The following CLASP1 variants were observed in gnomAD, a reference collection of about 807,000 sequenced individuals.
CLASP1 encodes cytoplasmic linker associated protein 1, also known as CLIP-associating protein 1.
Under a neutral mutation model 192.3 loss-of-function variants are expected in CLASP1, and 38 were observed. That is an observed-to-expected ratio of 0.20 (90% CI 0.15 to 0.26). CLASP1 has a LOEUF of 0.26. CLASP1 is among the 10% of genes least tolerant of loss of function. The probability of loss-of-function intolerance (pLI) is 1.00; values close to 1 mark genes in which losing one functional copy is unlikely to be tolerated. For missense variants in CLASP1, 1,433 were observed against 1,932.5 expected, an observed-to-expected ratio of 0.74 and a Z score of 4.85; for synonymous variants, 691 against 712.8, an observed-to-expected ratio of 0.97 and a Z score of 0.49.
intron 2 of CLASP1, among the ~76,000 whole-genome samples, chr2:121,543,476 CA>C (rs1330634207): frequency 1.3e-5 from 2 of 152,132 alleles, no homozygotes; most frequent in African/African-American, 4.8e-5. Context: ...AGGAAATAAA[CA>C]AAGATCTAAG....
At chr2:121,609,832 G>A (rs769091098) in intron 1 of CLASP1, among the ~76,000 whole-genome samples, 28 of 152,046 alleles carry the variant, frequency 1.8e-4, no homozygotes, top group African/African-American at 5.8e-4. Context: ...TCCCAGCTAC[G>A]TGGGAGGCTG....
At chr2:121,632,217 C>T (rs1166615663) in intron 1 of CLASP1, among the ~76,000 whole-genome samples, 2 of 152,074 alleles carry the variant, frequency 1.3e-5, no homozygotes, top group African/African-American at 4.8e-5. Context: ...GTACTCTAGC[C>T]TGGGCGACAG....
At chr2:121,402,764 T>C in intron 26 of CLASP1, 1 of 440,606 alleles carries the variant, frequency 2.3e-6, no homozygotes, top group Non-Finnish European at 4.5e-6. Context: ...GAGTTAAATC[T>C]TACTGCTTTT....
At chr2:121,368,413 C>T (rs963984801) in intron 34 of CLASP1, among the ~76,000 whole-genome samples, 1 of 152,180 alleles carries the variant, frequency 6.6e-6, no homozygotes, top group Non-Finnish European at 1.5e-5. Context: ...AGTTGTTATG[C>T]TGGGTCAAAG....
At chr2:121,383,548 A>G (rs960463346) in intron 32 of CLASP1, among the ~76,000 whole-genome samples, 3 of 152,014 alleles carry the variant, frequency 2.0e-5, no homozygotes, top group Non-Finnish European at 4.4e-5. Flanking sequence ...CTTTGATTCT[A>G]TCCATACTCT....
At chr2:121,646,918 T>C (rs544969667) in intron 1 of CLASP1, among the ~76,000 whole-genome samples, 231 of 151,260 alleles carry the variant, frequency 1.5e-3, no homozygotes, top group Non-Finnish European at 2.5e-3. Flanking sequence ...CGGGCACCTG[T>C]AGTCCCAGCT....
At chr2:121,489,988 A>G (rs2093212857) in intron 8 of CLASP1, among the ~76,000 whole-genome samples, 1 of 152,242 alleles carries the variant, frequency 6.6e-6, no homozygotes. Flanking sequence ...ACATAAGCAG[A>G]GAAAAATTAA....
chr2:121,542,362 A>G (rs1348714590), intron 2 of CLASP1, among the ~76,000 whole-genome samples: 1 of 152,198 alleles, frequency 6.6e-6, no homozygotes, highest in Admixed American at 6.5e-5. Context: ...TAAAAACAGG[A>G]CTGTGCCCTG....
chr2:121,624,614 G>A (rs532990261), intron 1 of CLASP1, among the ~76,000 whole-genome samples: 16 of 152,086 alleles, frequency 1.1e-4, no homozygotes, highest in African/African-American at 2.9e-4. Context: ...ATGGGGTTTC[G>A]CCATGTTGGC....
chr2:121,577,557 T>A (rs1036156957), intron 2 of CLASP1, among the ~76,000 whole-genome samples: 1 of 152,172 alleles, frequency 6.6e-6, no homozygotes, highest in Non-Finnish European at 1.5e-5. Context: ...AGTGTGGGCA[T>A]CTCTGGGAGG....
intron 7 of CLASP1, among the ~76,000 whole-genome samples, chr2:121,515,090 G>C (rs2094249308): frequency 6.6e-6 from 1 of 152,170 alleles, no homozygotes; most frequent in Non-Finnish European, 1.5e-5. Flanking sequence ...ATACATATCT[G>C]ATCACTACAT....
At chr2:121,388,680 G>A (rs2073790967) in intron 30 of CLASP1, among the ~76,000 whole-genome samples, 1 of 152,138 alleles carries the variant, frequency 6.6e-6, no homozygotes, top group Admixed American at 6.5e-5. Context: ...AAAGCACAAT[G>A]CCTGAGGAAT....
At chr2:121,460,063 A>G in exon 12 of CLASP1, 1 of 1,613,700 alleles carries the variant, frequency 6.2e-7, no homozygotes, top group African/African-American at 1.3e-5. Context: ...AAAGACGCAA[A>G]TGTTGAAAGA....
intron 2 of CLASP1, chr2:121,530,718 T>G: frequency 3.9e-6 from 2 of 510,486 alleles, no homozygotes; most frequent in Middle Eastern, 1.1e-3. Flanking sequence ...TTTGCGACCC[T>G]TCGGGAGCCT....
At chr2:121,596,970 C>T (rs1002250350) in intron 2 of CLASP1, among the ~76,000 whole-genome samples, 5 of 152,138 alleles carry the variant, frequency 3.3e-5, no homozygotes, top group Admixed American at 6.5e-5. Context: ...TAAGGCAGCA[C>T]GGAATGGGCC....
At chr2:121,543,848 TA>T (rs970355696) in intron 2 of CLASP1, among the ~76,000 whole-genome samples, 9 of 150,692 alleles carry the variant, frequency 6.0e-5, no homozygotes, top group Non-Finnish European at 8.9e-5. Flanking sequence ...CCAGAGACAG[TA>T]AAAAAAAAGT....
chr2:121,582,353 G>C (rs1272657708), intron 2 of CLASP1, among the ~76,000 whole-genome samples: 2 of 148,904 alleles, frequency 1.3e-5, no homozygotes, highest in Admixed American at 1.3e-4. Context: ...GGAGGAGAGA[G>C]AGAGAGAAAG....
At chr2:121,444,082 A>G (rs2083867238) in intron 19 of CLASP1, among the ~76,000 whole-genome samples, 1 of 152,244 alleles carries the variant, frequency 6.6e-6, no homozygotes, top group Non-Finnish European at 1.5e-5. Flanking sequence ...AATTACTTAA[A>G]GCATTTTCAT....
rs565150677 is a variant in CLASP1 at position 121,430,128 on chromosome 2, G to C, written c.1962C>G (p.Ala654=). The C allele has an allele frequency of 7.6e-6, 12 of 1,578,384 alleles. No individual in the cohort carries two copies. In the African/African-American group the frequency reaches 9.4e-5, roughly 12 times the overall value. The change falls in exon 20 of 40, where the codon GCC becomes GCG. Residue 654 remains alanine (A), a synonymous_variant. Coordinates refer to ENST00000263710, the Ensembl canonical transcript of CLASP1. The stretch of plus-strand genomic sequence containing the variant: ...TGCGGCCCCGGTTATCAGGTGTAGA[G>C]GCGACGTTGGTGGCACTCCCAGAGC...
Sources: allele counts gnomAD v4.1 joint callset (sites outside exome capture counted in the v4.1 genomes callset), GRCh38; gene constraint gnomAD v4.1.1; transcripts MANE v1.5; gene names NCBI Gene and HGNC (gene_info 2026-07-23, HGNC 2026-07-21).